ING3: variants seen among roughly 807,000 people sequenced by gnomAD.
ING3 encodes inhibitor of growth family member 3.
ING3 carries 6 observed loss-of-function variants against 64.8 expected under a neutral mutation model. The ratio of observed to expected loss-of-function variants is 0.09; its 90% confidence interval spans 0.05 to 0.18. The LOEUF (loss-of-function observed/expected upper bound fraction) is 0.18, where lower values mean the gene tolerates loss of function less well. Ranked by LOEUF, ING3 falls within the 10% of genes least tolerant of loss-of-function variation. The pLI is 1.00. For missense variants in ING3, 310 were observed against 489.7 expected (o/e 0.63, Z 3.46); for synonymous variants, 170 against 173.7 (o/e 0.98, Z 0.17).
chr7:120,966,185 T>G (rs1795994787), intron 5 of ING3, among the ~76,000 whole-genome samples: 1 of 152,216 alleles, frequency 6.6e-6, no homozygotes, highest in Admixed American at 6.5e-5. Context: ...TATCATAATG[T>G]CATTTTAATG....
intron 9 of ING3, among the ~76,000 whole-genome samples, chr7:120,970,070 G>C (rs2116687201): frequency 6.6e-6 from 1 of 152,220 alleles, no homozygotes; most frequent in East Asian, 1.9e-4. Flanking sequence ...ACTCATGGTA[G>C]GTATTCACAC....
At chr7:120,971,375 C>A (rs755072830) in intron 10 of ING3, among the ~76,000 whole-genome samples, 1 of 152,140 alleles carries the variant, frequency 6.6e-6, no homozygotes, top group Non-Finnish European at 1.5e-5. Flanking sequence ...CAGAGTAGGA[C>A]CCCACTCTAT....
intron 2 of ING3, among the ~76,000 whole-genome samples, chr7:120,951,861 A>T (rs1004691328): frequency 6.6e-6 from 1 of 152,152 alleles, no homozygotes; most frequent in Non-Finnish European, 1.5e-5. Flanking sequence ...TTTTTCTTTC[A>T]GTGATAGCTT....
rs373986234 is a variant in ING3 at position 120,951,151 on chromosome 7, C to T, written c.29-13C>T. The T allele has an allele frequency of 5.0e-6, 8 of 1,613,962 alleles. No homozygotes were observed. In the South Asian group the frequency reaches 7.7e-5, roughly 16 times the overall value. On this transcript the variant is annotated splice_polypyrimidine_tract_variant and intron_variant, in intron 1 of 11. Transcript: ENST00000315870. ...GTTGGCCCCGCCCCTCTGACGGACTCTCCCTTTGACAGTGATTGAGCAGCT... is the reference window on the plus strand; with the variant it reads ...GTTGGCCCCGCCCCTCTGACGGACTTTCCCTTTGACAGTGATTGAGCAGCT...
Position 120,976,656 on chromosome 7 carries a change from T to C in ING3, c.*1812T>C, listed in dbSNP as rs1353467781. On this transcript the variant is annotated 3_prime_UTR_variant, in exon 12 of 12. Transcript: ENST00000315870. ...ATATATTATGACTATTCCAAACTCATTCATTTTATAGAAATGGTCAAAGGA... is the reference window on the plus strand; with the variant it reads ...ATATATTATGACTATTCCAAACTCACTCATTTTATAGAAATGGTCAAAGGA... The C allele has an allele frequency of 6.6e-6, 1 of 152,194 alleles. No individual in the cohort carries two copies. 9.4% of individuals were successfully genotyped at this position (152,194 alleles called of 1,614,324 possible).
At chr7:120,951,341 T>A (rs1299046147) in intron 2 of ING3, 106 bp downstream of exon 2, 2 of 1,027,210 alleles carry the variant, frequency 1.9e-6, no homozygotes, top group African/African-American at 3.1e-5. Context: ...TCTGGCTCAC[T>A]CCGCTAGTGC....
intron 10 of ING3, 27 bp from the exon 11 acceptor site, chr7:120,973,178 T>A: frequency 1.5e-6 from 2 of 1,337,794 alleles, no homozygotes; most frequent in Non-Finnish European, 2.1e-6. Flanking sequence ...ATAGTCATAA[T>A]AAAGACATTT....
intron 11 of ING3, among the ~76,000 whole-genome samples, chr7:120,974,131 A>G (rs1796105597): frequency 6.6e-6 from 1 of 152,140 alleles, no homozygotes; most frequent in South Asian, 2.1e-4. Flanking sequence ...ATGATGAATG[A>G]GATTTCTATG....
intron 4 of ING3, chr7:120,956,228 A>G: frequency 1.3e-6 from 2 of 1,591,440 alleles, no homozygotes; most frequent in Non-Finnish European, 1.7e-6. Flanking sequence ...ATATTGATGC[A>G]ATTGTGGTGC....
At chr7:120,952,051 C>T (rs184207382) in intron 2 of ING3, among the ~76,000 whole-genome samples, 1 of 152,292 alleles carries the variant, frequency 6.6e-6, no homozygotes, top group Non-Finnish European at 1.5e-5. Context: ...TATATTTTTC[C>T]GGTAAGTTTC....
At chr7:120,969,765 C>T (rs918029946) in intron 9 of ING3, among the ~76,000 whole-genome samples, 1 of 152,072 alleles carries the variant, frequency 6.6e-6, no homozygotes, top group Admixed American at 6.5e-5. Context: ...ACTGAATATG[C>T]TGGGTGTTTA....
rs914029438 is a variant in ING3, at chr7:120,975,916, A to G, written c.*1072A>G. 3 of 152,194 alleles carry G rather than the reference A, an allele frequency of 2.0e-5. No homozygotes were observed. The highest frequency in any genetic ancestry group is 7.2e-5 in the African/African-American group (3 of 41,456). 9.4% of individuals were successfully genotyped at this position (152,194 alleles called of 1,614,324 possible). A position where few individuals can be genotyped will look rare whatever the true frequency, so the allele number is the denominator to read the frequency against. ...TAAAAGACATGAAAGAAGTGTAAGT[A>G]TAGCAGTTAAAACGAAAATAATGGT... is the stretch of plus-strand genomic sequence containing the variant. On this transcript the variant is annotated 3_prime_UTR_variant, in exon 12 of 12. Coordinates refer to ENST00000315870, the MANE Select transcript of ING3 (RefSeq NM_019071.3).
In ING3 at chr7:120,967,922, A is replaced by T; in HGVS notation, c.557-12A>T. ...CTGCAACCATTTTTATTTCTTTTTT[A>T]CATCTACACAGGTTGTCGAAATAAT... On this transcript the variant is annotated splice_polypyrimidine_tract_variant and intron_variant, in intron 7 of 11. Coordinates refer to ENST00000315870, the MANE Select transcript of ING3 (RefSeq NM_019071.3). 6.2e-7 allele frequency: 1 copy of T among 1,612,228 alleles called. No homozygotes were observed. The highest frequency in any genetic ancestry group is 8.5e-7 in the Non-Finnish European group (1 of 1,179,014).
intron 4 of ING3, among the ~76,000 whole-genome samples, chr7:120,958,763 G>C (rs1795887451): frequency 6.6e-6 from 1 of 152,104 alleles, no homozygotes. Flanking sequence ...AACATGCTCA[G>C]GTCTTCCTCA....
chr7:120,967,459 A>G (rs939082511), intron 6 of ING3, 70 bp from the exon 7 acceptor site: 18 of 1,118,662 alleles, frequency 1.6e-5, no homozygotes, highest in Non-Finnish European at 2.2e-5. Flanking sequence ...TTTTAACTGG[A>G]TATAAGTATT....
rs1289931634 is a variant in ING3, at chr7:120,955,582, T to C, written c.225T>C (p.Asp75=). The change falls in exon 4 of 12, where the codon GAT becomes GAC. Residue 75 remains aspartate, a synonymous_variant. Coordinates refer to ENST00000315870, the MANE Select transcript of ING3 (RefSeq NM_019071.3). ...IKKDYYKALE[D]ADEKVQLANQ... ...AGGACTACTATAAAGCTTTGGAAGA[T>C]GCAGATGAGAAGGTTCAGTTGGCAA... The C allele has an allele frequency of 6.2e-7, 1 of 1,611,396 alleles. No homozygotes were observed. The highest frequency in any genetic ancestry group is 1.3e-5 in the African/African-American group (1 of 74,862).
At chr7:120,966,812 T>G (rs1252504272) in intron 6 of ING3, 115 bp downstream of exon 6, 1 of 778,428 alleles carries the variant, frequency 1.3e-6, no homozygotes, top group African/African-American at 1.7e-5. Flanking sequence ...TCCCTTCTTT[T>G]TTTTTCATTG....
intron 3 of ING3, among the ~76,000 whole-genome samples, chr7:120,954,178 C>T (rs888779186): frequency 6.6e-6 from 1 of 152,288 alleles, no homozygotes; most frequent in East Asian, 1.9e-4. Context: ...ATAATCCTAG[C>T]ACTTTGAGAG....
At chr7:120,966,946 T>C (rs1325046632) in intron 6 of ING3, among the ~76,000 whole-genome samples, 2 of 152,208 alleles carry the variant, frequency 1.3e-5, no homozygotes, top group African/African-American at 4.8e-5. Flanking sequence ...ATTCCCTTCA[T>C]ACACATACCT....
Sources: allele counts gnomAD v4.1 joint callset (sites outside exome capture counted in the v4.1 genomes callset), GRCh38; gene constraint gnomAD v4.1.1; transcripts MANE v1.5; gene names NCBI Gene and HGNC (gene_info 2026-07-23, HGNC 2026-07-21).